RNF152: variants seen among roughly 807,000 people sequenced by gnomAD.
RNF152 encodes the protein ring finger protein 152.
RNF152 carries 11 observed loss-of-function variants against 12.7 expected under a neutral mutation model. The ratio of observed to expected loss-of-function variants is 0.86; its 90% CI spans 0.54 to 1.43. RNF152 has a LOEUF of 1.43. RNF152 is among the 40% of genes most tolerant of loss of function. RNF152 has a pLI of 0.00. For missense variants in RNF152, 255 were observed against 274.8 expected (o/e 0.93, Z 0.51); for synonymous variants, 113 against 120.3 (o/e 0.94, Z 0.40).
In RNF152 at chr18:61,814,662, C is replaced by T. The variant is rs1908978382; in HGVS notation, c.*1190G>A. 6.6e-6 allele frequency: 1 copy of T among 152,174 alleles called. No homozygotes were observed. The highest frequency in any genetic ancestry group is 6.5e-5 in the Admixed American group (1 of 15,278). The allele number at this position is 152,174 out of a possible 1,614,324, so 9.4% of individuals were successfully genotyped here. On this transcript the variant is annotated 3_prime_UTR_variant, in exon 2 of 2. Transcript: ENST00000312828. ...AAATACAGGAGATCTTCTCTCATAT[C>T]AACAAGAGGAAACAGGAATTCTAAC...
At chr18:61,849,663 T>A (rs1212839804) in intron 1 of RNF152, among the ~76,000 whole-genome samples, 2 of 152,234 alleles carry the variant, frequency 1.3e-5, no homozygotes, top group African/African-American at 4.8e-5. Flanking sequence ...CTCTACCAAT[T>A]AGTTTGAAAG....
At chr18:61,843,361 T>C (rs868734855) in intron 1 of RNF152, among the ~76,000 whole-genome samples, 7 of 152,208 alleles carry the variant, frequency 4.6e-5, no homozygotes, top group African/African-American at 1.7e-4. Flanking sequence ...TAAAAATCTA[T>C]AGCAATAACT....
rs1400546812 is a variant in RNF152 at position 61,844,171 on chromosome 18, GAGGAAGAGAGGAAGGA to G, written c.-135-27589_-135-27574del. ...GAGAAAAGGAAGGAAGGGAGGAAGG[GAGGAAGAGAGGAAGGA>G]AGGAAGGGAAGGAGGGAGGGAAGGA... On this transcript the variant is annotated intron_variant, in intron 1 of 1. Transcript: ENST00000312828. 6.4e-5 allele frequency among the ~76,000 whole-genome samples: 7 copies of G among 109,584 alleles called. 1 individual carries two copies. The highest frequency in any genetic ancestry group is 2.1e-4 in the African/African-American group (7 of 34,050). The allele number at this position is 109,584 out of a possible 152,430, so 71.9% of individuals were successfully genotyped here.
At chr18:61,836,639 C>T (rs1474822576) in intron 1 of RNF152, among the ~76,000 whole-genome samples, 1 of 152,122 alleles carries the variant, frequency 6.6e-6, no homozygotes, top group East Asian at 1.9e-4. Context: ...GAAATAAATG[C>T]TTGTTCAACC....
intron 1 of RNF152, among the ~76,000 whole-genome samples, chr18:61,825,276 G>C (rs1444513777): frequency 3.3e-5 from 5 of 152,338 alleles, no homozygotes; most frequent in Middle Eastern, 3.4e-3. Context: ...GAGAAGGGTA[G>C]ACAGAGCACT....
At chr18:61,879,071 G>A (rs1346883468) in intron 1 of RNF152, among the ~76,000 whole-genome samples, 1 of 152,162 alleles carries the variant, frequency 6.6e-6, no homozygotes, top group Non-Finnish European at 1.5e-5. Flanking sequence ...TGGGAACAAA[G>A]TATCGAAGAA....
intron 1 of RNF152, among the ~76,000 whole-genome samples, chr18:61,856,742 G>A (rs1911240279): frequency 6.6e-6 from 1 of 152,120 alleles, no homozygotes; most frequent in East Asian, 1.9e-4. Context: ...AATGAAAAGT[G>A]GATTCACAGA....
intron 1 of RNF152, among the ~76,000 whole-genome samples, chr18:61,828,906 C>T (rs1443629972): frequency 6.6e-6 from 1 of 152,116 alleles, no homozygotes; most frequent in Non-Finnish European, 1.5e-5. Flanking sequence ...TGATACTTCA[C>T]GCGGGAGTAT....
At chr18:61,852,576 G>A (rs980554116) in intron 1 of RNF152, among the ~76,000 whole-genome samples, 8 of 152,182 alleles carry the variant, frequency 5.3e-5, no homozygotes. Context: ...AAGAGAAACT[G>A]ATTTATAATC....
At chr18:61,859,298 A>G (rs185017682) in intron 1 of RNF152, among the ~76,000 whole-genome samples, 1 of 152,318 alleles carries the variant, frequency 6.6e-6, no homozygotes, top group African/African-American at 2.4e-5. Flanking sequence ...CTGAAGTGAA[A>G]CAGGCAACAG....
intron 1 of RNF152, among the ~76,000 whole-genome samples, chr18:61,889,278 T>G (rs984196546): frequency 2.0e-5 from 3 of 152,232 alleles, no homozygotes; most frequent in African/African-American, 7.2e-5. Context: ...TGGAGAGCTA[T>G]CTTTATAAAA....
chr18:61,839,865 T>G (rs1910374768), intron 1 of RNF152, among the ~76,000 whole-genome samples: 1 of 152,246 alleles, frequency 6.6e-6, no homozygotes, highest in Non-Finnish European at 1.5e-5. Flanking sequence ...TGTGTGCTTT[T>G]GATATGTCCC....
intron 1 of RNF152, among the ~76,000 whole-genome samples, chr18:61,822,821 A>G (rs1909481384): frequency 6.6e-6 from 1 of 152,248 alleles, no homozygotes; most frequent in African/African-American, 2.4e-5. Context: ...TCAAATGCAG[A>G]GATTAAACTA....
At chr18:61,850,382 T>C (rs1387396368) in intron 1 of RNF152, among the ~76,000 whole-genome samples, 1 of 152,268 alleles carries the variant, frequency 6.6e-6, no homozygotes, top group Non-Finnish European at 1.5e-5. Flanking sequence ...TTTTCATATG[T>C]GGTTTTTAAG....
chr18:61,874,970 C>T (rs1912150389), intron 1 of RNF152: 1 of 152,244 alleles, frequency 6.6e-6, no homozygotes, highest in South Asian at 2.1e-4. Context: ...CAAGCCCAGC[C>T]CTCAAAGACC....
rs532770551 is a variant in RNF152 at position 61,867,179 on chromosome 18, G to C, written c.-136+25616C>G. ...GGCAAATACAAAGAGATTGGGGACC[G>C]GGTGCGGTGGCTCACACCTGTAATC... On this transcript the variant is annotated intron_variant, in intron 1 of 1. Coordinates refer to ENST00000312828, the MANE Select transcript of RNF152 (RefSeq NM_173557.3). Among the ~76,000 whole-genome samples, 11 of 152,270 alleles carry C rather than the reference G, an allele frequency of 7.2e-5. No homozygotes were observed. In the East Asian group the frequency reaches 2.1e-3, roughly 29 times the overall value.
intron 1 of RNF152, among the ~76,000 whole-genome samples, chr18:61,841,221 A>T (rs1910441083): frequency 6.6e-6 from 1 of 152,228 alleles, no homozygotes; most frequent in Non-Finnish European, 1.5e-5. Context: ...CCAGTTTCCC[A>T]TTAAAAGTCA....
chr18:61,883,456 T>A (rs1350947413), intron 1 of RNF152, among the ~76,000 whole-genome samples: 1 of 152,174 alleles, frequency 6.6e-6, no homozygotes, highest in South Asian at 2.1e-4. Context: ...GCTACAATGT[T>A]TTTTCCCATT....
chr18:61,863,479 G>C (rs919643578), intron 1 of RNF152, among the ~76,000 whole-genome samples: 10 of 148,470 alleles, frequency 6.7e-5, no homozygotes, highest in African/African-American at 2.5e-4. Context: ...TTTTTCAGTT[G>C]TTCAGGTAAC....
Sources: allele counts gnomAD v4.1 joint callset (sites outside exome capture counted in the v4.1 genomes callset), GRCh38; gene constraint gnomAD v4.1.1; transcripts MANE v1.5; gene names NCBI Gene and HGNC (gene_info 2026-07-23, HGNC 2026-07-21).